CACNA1C: variants seen among roughly 807,000 people sequenced by gnomAD.
CACNA1C encodes voltage-dependent L-type calcium channel subunit alpha-1C.
CACNA1C carries 30 observed loss-of-function variants against 229.0 expected under a neutral mutation model. The ratio of observed to expected loss-of-function variants is 0.13; its 90% CI spans 0.10 to 0.18. The LOEUF (loss-of-function observed/expected upper bound fraction) is 0.18, where lower values mean the gene tolerates loss of function less well. CACNA1C is among the 10% of genes least tolerant of loss of function. The pLI, the probability that CACNA1C is intolerant of heterozygous loss-of-function variation, is 1.00. For synonymous variants in CACNA1C, 1,114 were observed against 1,132.5 expected (o/e 0.98, Z 0.33); for missense variants, 1,658 against 2,845.0 (o/e 0.58, Z 9.49).
intron 9 of CACNA1C, among the ~76,000 whole-genome samples, chr12:2,545,558 G>C (rs1156598069): frequency 6.6e-6 from 1 of 152,186 alleles, no homozygotes; most frequent in Non-Finnish European, 1.5e-5. Flanking sequence ...CAAATCGCTC[G>C]AATTTGCTCT....
intron 29 of CACNA1C, among the ~76,000 whole-genome samples, chr12:2,618,027 AG>A (rs1352432856): frequency 1.3e-5 from 2 of 152,194 alleles, no homozygotes; most frequent in African/African-American, 4.8e-5. Flanking sequence ...GGGGTTCTCC[AG>A]GGGCATCCAT....
Position 2,566,585 on chromosome 12 carries a change from G to A in CACNA1C, c.1669+3G>A. 1.3e-6 allele frequency: 2 copies of A among 1,592,340 alleles called. No individual in the cohort carries two copies. The highest frequency in any genetic ancestry group is 2.3e-5 in the East Asian group (1 of 43,570). On this transcript the variant is annotated splice_donor_region_variant and intron_variant, in intron 12 of 46. Transcript: ENST00000399655. The surrounding 1 kb of genome is among the most constrained non-coding windows in gnomAD (Gnocchi z 4.0). ...CAACTGGCTCACAGAAGTCCAAGGT[G>A]AGCGGCGGCCCCAGCTCTGCTCTGG...
chr12:2,677,410 C>T lies in CACNA1C; in HGVS notation c.4956+189C>T, dbSNP rs2096879012. Reference sequence around the variant, plus strand: ...GTGATGTGCCCTTCCCTACCTGCCACCCACCGACTGCCCTCCATGGTTCTG... The same window carrying T: ...GTGATGTGCCCTTCCCTACCTGCCATCCACCGACTGCCCTCCATGGTTCTG... On this transcript the variant is annotated intron_variant, in intron 40 of 46. Coordinates refer to ENST00000399655, the MANE Select transcript of CACNA1C (RefSeq NM_000719.7). The surrounding 1 kb of genome is among the most constrained non-coding windows in gnomAD (Gnocchi z 7.4). The T allele has an allele frequency of 4.6e-6, 3 of 649,550 alleles. No homozygotes were observed. Among genetic ancestry groups the T allele is most frequent in the Admixed American group, 5.9e-5 (2 of 33,802 alleles). The allele number at this position is 649,550 out of a possible 1,614,324, so 40.2% of individuals were successfully genotyped here.
chr12:2,279,476 G>A (rs2090231075), intron 3 of CACNA1C, among the ~76,000 whole-genome samples: 1 of 152,200 alleles, frequency 6.6e-6, no homozygotes, highest in Admixed American at 6.5e-5. Flanking sequence ...TTTGCTTCAT[G>A]TATTTATTTG....
rs1041098117 is a variant in CACNA1C, at chr12:2,135,859, T to C, written c.477+15429T>C. Reference sequence around the variant, plus strand: ...CCCAGTTCGAGCTTCCCGGCTGCTTTGTTTACCTAATCAAGCCCGGGCAAT... The same window carrying C: ...CCCAGTTCGAGCTTCCCGGCTGCTTCGTTTACCTAATCAAGCCCGGGCAAT... On this transcript the variant is annotated intron_variant, in intron 3 of 46. Transcript: ENST00000399655. Among the ~76,000 whole-genome samples, 6 of 147,680 alleles carry C rather than the reference T, an allele frequency of 4.1e-5. 1 individual carries two copies. Among genetic ancestry groups the C allele is most frequent in the Non-Finnish European group, 5.9e-5 (4 of 67,432 alleles).
At chr12:2,300,630 A>G (rs1327718497) in intron 3 of CACNA1C, among the ~76,000 whole-genome samples, 2 of 152,192 alleles carry the variant, frequency 1.3e-5, no homozygotes, top group Non-Finnish European at 2.9e-5. Flanking sequence ...CTCTAAAAAA[A>G]TAATAATAAT....
chr12:2,448,806 C>T (rs555858644), intron 3 of CACNA1C, among the ~76,000 whole-genome samples, 170 bp from the exon 4 acceptor site: 21 of 151,902 alleles, frequency 1.4e-4, no homozygotes, highest in African/African-American at 1.9e-4. Flanking sequence ...GGTGCTGTCG[C>T]GGTAGAGCAG....
At chr12:2,113,790 T>C (rs968660249) in intron 1 of CACNA1C, among the ~76,000 whole-genome samples, 6 of 152,212 alleles carry the variant, frequency 3.9e-5, no homozygotes, top group Non-Finnish European at 7.4e-5. Flanking sequence ...TTGGCAAACC[T>C]TACAGACTCT....
rs1236799149 is a variant in CACNA1C at position 2,047,370 on chromosome 12, A to G, written c.140-67854A>G. 2.0e-5 allele frequency among the ~76,000 whole-genome samples: 3 copies of G among 152,296 alleles called. No homozygotes were observed. The East Asian group carries it at 5.8e-4, about 29-fold the overall frequency. On this transcript the variant is annotated intron_variant, in intron 1 of 46. Transcript: ENST00000682462. ...ACTTGGACTATTTCATTTCATTCTC[A>G]CAACCACCCTATGGAGGTAGGTACC...
At position 2,135,639 on chromosome 12, in the gene CACNA1C, C is replaced by T. The variant is rs1188590783; in HGVS notation, c.477+15209C>T. On this transcript the variant is annotated intron_variant, in intron 3 of 46. Transcript: ENST00000399655. The stretch of plus-strand genomic sequence containing the variant: ...TGCTCAGGGGTCAGGGGTCAGGGAC[C>T]CACTTGAAGAGGCAGTCTGCCCGTT... 1.8e-4 allele frequency among the ~76,000 whole-genome samples: 25 copies of T among 141,268 alleles called. 4 individuals carry two copies. The highest frequency in any genetic ancestry group is 5.6e-4 in the Admixed American group (8 of 14,382). 92.7% of individuals were successfully genotyped at this position (141,268 alleles called of 152,430 possible). A position where few individuals can be genotyped will look rare whatever the true frequency, so the allele number is the denominator to read the frequency against.
Position 2,690,949 on chromosome 12 carries a change from T to C in CACNA1C, c.6167T>C (p.Ile2056Thr). The C allele has an allele frequency of 6.3e-7, 1 of 1,596,952 alleles. No homozygotes were observed. The highest frequency in any genetic ancestry group is 8.5e-7 in the Non-Finnish European group (1 of 1,171,068). The change falls in exon 47 of 47, where the codon ATC (isoleucine) becomes ACC (threonine). Residue 2056 changes from isoleucine to threonine, a missense_variant. By Grantham distance (89) the Ile-to-Thr change is moderately conservative (BLOSUM62 -1). Transcript: ENST00000399655. ...LGQFAQDPKF[I>T]EVTTQELADA... is the part of the protein sequence containing the mutation. ...CAGTTTGCTCAAGATCCCAAGTTCA[T>C]CGAGGTCACCACCCAGGAGCTGGCC...
intron 1 of CACNA1C, among the ~76,000 whole-genome samples, chr12:1,984,710 C>G (rs750959112): frequency 2.1e-4 from 31 of 147,974 alleles, no homozygotes; most frequent in Non-Finnish European, 2.1e-4. Context: ...TTCCAGCTTT[C>G]CCTTTGATAT....
chr12:2,295,192 G>A (rs1331746026), intron 3 of CACNA1C, among the ~76,000 whole-genome samples: 1 of 152,122 alleles, frequency 6.6e-6, no homozygotes, highest in Non-Finnish European at 1.5e-5. Context: ...ACATCCTTAA[G>A]CCCTTAGCAG....
chr12:2,410,754 C>T lies in CACNA1C; in HGVS notation c.478-38222C>T, dbSNP rs1260861695. On this transcript the variant is annotated intron_variant, in intron 3 of 46. Coordinates refer to ENST00000399655, the MANE Select transcript of CACNA1C (RefSeq NM_000719.7). The surrounding 1 kb of genome is among the most constrained non-coding windows in gnomAD (Gnocchi z 5.3). Reference sequence around the variant, plus strand: ...TGTGTGTGCATGCGTGTGTGTATTCCAGGAGCTGACTCTAGTTGTCAGGAT... The same window carrying T: ...TGTGTGTGCATGCGTGTGTGTATTCTAGGAGCTGACTCTAGTTGTCAGGAT... 1.3e-5 allele frequency among the ~76,000 whole-genome samples: 2 copies of T among 148,968 alleles called. No homozygotes were observed. The highest frequency in any genetic ancestry group is 5.0e-5 in the African/African-American group (2 of 40,062).
At chr12:2,371,711 A>C (rs2097868315) in intron 3 of CACNA1C, among the ~76,000 whole-genome samples, 1 of 149,172 alleles carries the variant, frequency 6.7e-6, no homozygotes, top group Admixed American at 6.7e-5. Context: ...AGCACATACT[A>C]AATGACATAT....
At chr12:2,155,725 A>G (rs1346371520) in intron 3 of CACNA1C, among the ~76,000 whole-genome samples, 1 of 152,166 alleles carries the variant, frequency 6.6e-6, no homozygotes. Context: ...TTCCTAGCGA[A>G]AACGGGCACT....
chr12:2,668,871 G>T, intron 37 of CACNA1C, 62 bp from the exon 38 acceptor site: 1 of 1,074,268 alleles, frequency 9.3e-7, no homozygotes, highest in Non-Finnish European at 1.5e-6. Context: ...CTGCCACGGT[G>T]TTCTGCGGTC....
chr12:2,386,342 A>G (rs1594882571), intron 3 of CACNA1C, among the ~76,000 whole-genome samples: 1 of 152,194 alleles, frequency 6.6e-6, no homozygotes, highest in South Asian at 2.1e-4. Context: ...GTTGAGAAGC[A>G]CCAGCCAGGA....
At chr12:2,130,080 G>A (rs970018851) in intron 3 of CACNA1C, among the ~76,000 whole-genome samples, 1 of 151,688 alleles carries the variant, frequency 6.6e-6, no homozygotes, top group Non-Finnish European at 1.5e-5. Flanking sequence ...TTGGATTGGC[G>A]CCTTCTAACT....
Sources: allele counts gnomAD v4.1 joint callset (sites outside exome capture counted in the v4.1 genomes callset), GRCh38; gene constraint gnomAD v4.1.1; non-coding constraint Gnocchi (gnomAD v3.1); transcripts MANE v1.5; gene names NCBI Gene and HGNC (gene_info 2026-07-23, HGNC 2026-07-21).